SCNN1G: variants seen among roughly 807,000 people sequenced by gnomAD.
The protein encoded by SCNN1G is epithelial sodium channel subunit gamma.
SCNN1G carries 27 observed loss-of-function variants against 64.6 expected under a neutral mutation model. That is an observed-to-expected ratio of 0.42 (90% CI 0.31 to 0.58). SCNN1G has a LOEUF of 0.58. SCNN1G is among the 20% of genes least tolerant of loss of function. The probability of loss-of-function intolerance (pLI) is 0.18; values close to 1 mark genes in which losing one functional copy is unlikely to be tolerated. For synonymous variants in SCNN1G, 330 were observed against 314.2 expected, an observed-to-expected ratio of 1.05 and a Z score of -0.53; for missense variants, 743 against 823.4, an observed-to-expected ratio of 0.90 and a Z score of 1.19.
At chr16:23,192,280 C>A in intron 3 of SCNN1G, 72 bp from the exon 4 acceptor site, 2 of 1,245,164 alleles carry the variant, frequency 1.6e-6, no homozygotes, top group Non-Finnish European at 2.4e-6. Flanking sequence ...CTCAGTCACT[C>A]ATTCTTATGG....
At chr16:23,200,527 G>A (rs749437563) in intron 6 of SCNN1G, among the ~76,000 whole-genome samples, 49 of 152,184 alleles carry the variant, frequency 3.2e-4, no homozygotes, top group Non-Finnish European at 5.4e-4. Flanking sequence ...TTGGATATCC[G>A]CCTGTCATTT....
In SCNN1G at chr16:23,186,320, G is replaced by A; in HGVS notation, c.49G>A (p.Val17Met). The A allele has an allele frequency of 6.2e-7, 1 of 1,614,228 alleles. No individual in the cohort carries two copies. The change falls in exon 2 of 13, where the codon GTG becomes ATG. Residue 17 changes from valine (V) to methionine (M), a missense_variant. Transcript: ENST00000300061. The part of the protein sequence containing the change: ...IKAKIKKNLP[V>M]TGPQAPTIKE... ...AGCCAAAATCAAGAAGAATCTGCCC[G>A]TGACGGGCCCTCAGGCGCCGACCAT...
At position 23,197,267 on chromosome 16, in the gene SCNN1G, T is replaced by C. The variant is rs746964899; in HGVS notation, c.917T>C (p.Leu306Pro). Reference protein sequence around the residue: ...STSMGGSEYGLQVILYINEEE... With the variant: ...STSMGGSEYGPQVILYINEEE... ...GCAGGTTGTCTTATCCTCCCAGGGCTGCAAGTCATTTTGTACATAAACGAA... is the reference window on the plus strand; with the variant it reads ...GCAGGTTGTCTTATCCTCCCAGGGCCGCAAGTCATTTTGTACATAAACGAA... The change falls in exon 6 of 13, where the codon CTG becomes CCG. Residue 306 changes from leucine to proline, a missense_variant. By Grantham distance (98) the Leu-to-Pro change is moderately conservative. Transcript: ENST00000300061. The C allele has an allele frequency of 1.2e-6, 2 of 1,613,626 alleles. No individual in the cohort carries two copies. Among genetic ancestry groups the C allele is most frequent in the Non-Finnish European group, 1.7e-6 (2 of 1,179,874 alleles).
chr16:23,214,875 G>C, intron 12 of SCNN1G, 88 bp downstream of exon 12: 2 of 1,240,142 alleles, frequency 1.6e-6, no homozygotes, highest in South Asian at 2.4e-5. Context: ...TCAGGGTAGG[G>C]GGTTCCAGCC....
chr16:23,214,992 G>T, intron 12 of SCNN1G, 97 bp from the exon 13 acceptor site: 1 of 1,443,726 alleles, frequency 6.9e-7, no homozygotes, highest in Non-Finnish European at 9.7e-7. Context: ...GTGCAGGGTC[G>T]GGGCTGACCC....
At chr16:23,199,543 C>T (rs981061556) in intron 6 of SCNN1G, among the ~76,000 whole-genome samples, 1 of 152,080 alleles carries the variant, frequency 6.6e-6, no homozygotes, top group Non-Finnish European at 1.5e-5. Context: ...TATTTCCCCA[C>T]ACTCTAACCA....
At chr16:23,200,198 A>G (rs529841506) in intron 6 of SCNN1G, among the ~76,000 whole-genome samples, 2 of 152,296 alleles carry the variant, frequency 1.3e-5, no homozygotes, top group South Asian at 4.1e-4. Flanking sequence ...GATGAGCCCA[A>G]GGATCTATAT....
chr16:23,213,436 G>T (rs886195401), intron 11 of SCNN1G, among the ~76,000 whole-genome samples: 1 of 152,024 alleles, frequency 6.6e-6, no homozygotes, highest in Non-Finnish European at 1.5e-5. Flanking sequence ...ATTTTTAGCA[G>T]AGATGGGGTT....
intron 7 of SCNN1G, among the ~76,000 whole-genome samples, chr16:23,210,877 A>G (rs1302580976): frequency 2.0e-5 from 3 of 152,064 alleles, no homozygotes; most frequent in Non-Finnish European, 4.4e-5. Flanking sequence ...AAAAAAAAAA[A>G]ATTTGTTTTA....
At position 23,215,122 on chromosome 16, in the gene SCNN1G, C is replaced by G; in HGVS notation, c.1603C>G (p.Leu535Val). 6.2e-7 allele frequency: 1 copy of G among 1,614,142 alleles called. No homozygotes were observed. Among genetic ancestry groups the G allele is most frequent in the Non-Finnish European group, 8.5e-7 (1 of 1,180,022 alleles). ...GCTTCTGTCCAACTTCGGTGGCCAG[C>G]TGGGCCTGTGGATGAGCTGCTCTGT... ...EMLLSNFGGQ[L>V]GLWMSCSVVC... is the part of the protein sequence containing the mutation. The change falls in exon 13 of 13, where the codon CTG becomes GTG. Residue 535 changes from leucine to valine, a missense_variant. Leu to Val is a conservative substitution (Grantham distance 32, BLOSUM62 1). Coordinates refer to ENST00000300061, the MANE Select transcript of SCNN1G (RefSeq NM_001039.4).
intron 6 of SCNN1G, among the ~76,000 whole-genome samples, chr16:23,202,147 C>T (rs962676441): frequency 3.3e-5 from 5 of 151,834 alleles, no homozygotes; most frequent in African/African-American, 1.2e-4. Context: ...CTTTGCAATA[C>T]AGTTTCCATC....
chr16:23,184,835 G>C (rs1321471256), intron 1 of SCNN1G, among the ~76,000 whole-genome samples: 3 of 152,134 alleles, frequency 2.0e-5, no homozygotes, highest in Admixed American at 6.5e-5. Context: ...GTCCTCTCTG[G>C]TCCTGGGGAC....
chr16:23,196,746 C>T (rs1959800928), intron 5 of SCNN1G, among the ~76,000 whole-genome samples: 1 of 152,104 alleles, frequency 6.6e-6, no homozygotes, highest in Admixed American at 6.5e-5. Context: ...ACTCTTAGTT[C>T]CCATGTGCAC....
At position 23,194,180 on chromosome 16, in the gene SCNN1G, G is replaced by A. The variant is rs201341816; in HGVS notation, c.819G>A (p.Thr273=). The A allele has an allele frequency of 1.7e-5, 28 of 1,612,874 alleles. No homozygotes were observed. In the Admixed American group the frequency reaches 2.0e-4, roughly 12 times the overall value. The change falls in exon 5 of 13, where the codon ACG becomes ACA. Residue 273 remains threonine (T), a synonymous_variant. Transcript: ENST00000300061. ...DGVSCDARNF[T]LFHHPMHGNC... Reference sequence around the variant, plus strand: ...TTTTCTTCCTCCATAGGAATTTCACGCTTTTCCACCACCCGATGCATGGGA... The same window carrying A: ...TTTTCTTCCTCCATAGGAATTTCACACTTTTCCACCACCCGATGCATGGGA...
chr16:23,194,393 A>G, intron 5 of SCNN1G, 119 bp downstream of exon 5: 1 of 742,362 alleles, frequency 1.3e-6, no homozygotes, highest in Non-Finnish European at 2.5e-6. Flanking sequence ...TTGGCCAGAA[A>G]CCAGGGATGC....
chr16:23,206,889 G>A (rs1960000100), intron 6 of SCNN1G, among the ~76,000 whole-genome samples: 1 of 152,032 alleles, frequency 6.6e-6, no homozygotes, highest in African/African-American at 2.4e-5. Context: ...TTTTTTGTGT[G>A]TCCCTAGGGG....
Position 23,215,960 on chromosome 16 carries a change from G to A in SCNN1G, c.*491G>A, listed in dbSNP as rs146413363. 78 of 216,510 alleles carry A rather than the reference G, an allele frequency of 3.6e-4. No homozygotes were observed. In the East Asian group the frequency reaches 4.6e-3, roughly 13 times the overall value. 13.4% of individuals were successfully genotyped at this position (216,510 alleles called of 1,614,324 possible). A position where few individuals can be genotyped will look rare whatever the true frequency, so the allele number is the denominator to read the frequency against. The stretch of plus-strand genomic sequence containing the variant: ...AAGTGCCAGCCCTGAAGCTGGAGCC[G>A]TTTGTGAATAAACTGTTCTTCATCA... On this transcript the variant is annotated 3_prime_UTR_variant, in exon 13 of 13. Transcript: ENST00000300061.
intron 1 of SCNN1G, among the ~76,000 whole-genome samples, chr16:23,183,382 T>A (rs1959553415): frequency 6.6e-6 from 1 of 152,108 alleles, no homozygotes; most frequent in Non-Finnish European, 1.5e-5. Context: ...TGAGTTCAAG[T>A]GATTTCTGCA....
At chr16:23,207,149 T>C (rs1469416096) in intron 6 of SCNN1G, among the ~76,000 whole-genome samples, 1 of 152,176 alleles carries the variant, frequency 6.6e-6, no homozygotes, top group African/African-American at 2.4e-5. Flanking sequence ...GAAATCCAAA[T>C]GGTTTCTCAT....
Sources: allele counts gnomAD v4.1 joint callset (sites outside exome capture counted in the v4.1 genomes callset), GRCh38; gene constraint gnomAD v4.1.1; transcripts MANE v1.5; gene names NCBI Gene and HGNC (gene_info 2026-07-23, HGNC 2026-07-21).